CCDC3: variants seen among roughly 807,000 people sequenced by gnomAD.
CCDC3 encodes coiled-coil domain-containing protein 3.
CCDC3 carries 24 observed loss-of-function variants against 21.4 expected under a neutral mutation model. The observed-to-expected ratio is 1.12, with a 90% confidence interval of 0.81 to 1.58. The LOEUF (loss-of-function observed/expected upper bound fraction) is 1.58, where lower values mean the gene tolerates loss of function less well. CCDC3 is among the 40% of genes most tolerant of loss of function. The probability of loss-of-function intolerance (pLI) is 0.00; values close to 1 mark genes in which losing one functional copy is unlikely to be tolerated. For missense variants in CCDC3, 425 were observed against 360.9 expected (o/e 1.18, Z -1.44); for synonymous variants, 186 against 166.0 (o/e 1.12, Z -0.93).
intron 2 of CCDC3, among the ~76,000 whole-genome samples, chr10:12,971,708 C>CA (rs1374424239): frequency 6.6e-6 from 1 of 152,168 alleles, no homozygotes; most frequent in Non-Finnish European, 1.5e-5. Context: ...GTTTTCGAGA[C>CA]AGAGTCTTGT....
chr10:12,978,894 C>G (rs1182055289), intron 2 of CCDC3, among the ~76,000 whole-genome samples: 4 of 152,276 alleles, frequency 2.6e-5, no homozygotes, highest in South Asian at 4.2e-4. Flanking sequence ...AATGCAATCT[C>G]AGGACCCCAC....
chr10:13,017,907 C>T (rs1483194330), intron 5 of CCDC3, among the ~76,000 whole-genome samples: 2 of 152,138 alleles, frequency 1.3e-5, no homozygotes, highest in East Asian at 3.9e-4. Context: ...TATTCCACAT[C>T]CTCTGAAACA....
At chr10:12,973,416 G>T (rs377475073) in intron 2 of CCDC3, among the ~76,000 whole-genome samples, 2 of 152,280 alleles carry the variant, frequency 1.3e-5, no homozygotes, top group African/African-American at 4.8e-5. Flanking sequence ...AATGGAAATG[G>T]GTCAAAAGTC....
At chr10:13,077,287 G>A (rs1439352048) in intron 3 of CCDC3, among the ~76,000 whole-genome samples, 1 of 152,050 alleles carries the variant, frequency 6.6e-6, no homozygotes, top group African/African-American at 2.4e-5. Context: ...AAATACCTAG[G>A]AATCCAACTT....
intron 2 of CCDC3, among the ~76,000 whole-genome samples, chr10:12,985,914 C>T (rs1835582594): frequency 1.3e-5 from 2 of 152,170 alleles, no homozygotes; most frequent in South Asian, 2.1e-4. Flanking sequence ...TTTGCTCTGT[C>T]GCCCAGGCTG....
chr10:12,912,751 A>G lies in CCDC3; in HGVS notation c.550-14072T>C, dbSNP rs894887841. On this transcript the variant is annotated intron_variant, in intron 2 of 2. Transcript: ENST00000378825. ...CTGGTAGGTTTACAGTTTCAGGTCT[A>G]CGCTTAAGTCTTTAAACATTGAGTT... is the stretch of plus-strand genomic sequence containing the variant. Among the ~76,000 whole-genome samples, 5 of 152,104 alleles carry G rather than the reference A, an allele frequency of 3.3e-5. No individual in the cohort carries two copies. In the South Asian group the frequency reaches 6.2e-4, roughly 19 times the overall value.
chr10:12,940,622 A>G (rs1341375057), intron 2 of CCDC3, among the ~76,000 whole-genome samples: 1 of 152,220 alleles, frequency 6.6e-6, no homozygotes, highest in African/African-American at 2.4e-5. Flanking sequence ...CTTACAGAAT[A>G]ATCGTATTTA....
chr10:13,007,334 C>T lies in CCDC3; in HGVS notation c.-1-8822G>A, dbSNP rs541866450. Among the ~76,000 whole-genome samples the T allele has an allele frequency of 3.9e-5, 6 of 152,270 alleles. No individual in the cohort carries two copies. In the South Asian group the frequency reaches 1.2e-3, roughly 32 times the overall value. On this transcript the variant is annotated intron_variant, in intron 5 of 6. Transcript: ENST00000378839. Reference sequence around the variant, plus strand: ...AGGGAAGCTCTGGCATCTCAGCCAGCATGGAATTCCTTCAAATTGTAGTCA... The same window carrying T: ...AGGGAAGCTCTGGCATCTCAGCCAGTATGGAATTCCTTCAAATTGTAGTCA...
intron 4 of CCDC3, among the ~76,000 whole-genome samples, chr10:13,068,650 CAG>C: frequency 6.6e-6 from 1 of 152,154 alleles, no homozygotes; most frequent in Middle Eastern, 3.2e-3. Flanking sequence ...GTGAGGCCTA[CAG>C]ACATATGGAA....
chr10:13,093,324 A>G (rs943571487), intron 3 of CCDC3, among the ~76,000 whole-genome samples: 2 of 152,170 alleles, frequency 1.3e-5, no homozygotes, highest in African/African-American at 4.8e-5. Context: ...ACATCTCGTG[A>G]GACTTATTCA....
intron 5 of CCDC3, among the ~76,000 whole-genome samples, chr10:13,019,016 A>G (rs568619995): frequency 2.0e-5 from 3 of 151,818 alleles, no homozygotes; most frequent in South Asian, 4.2e-4. Flanking sequence ...GGCGGATCAC[A>G]AGGTCAGGAG....
chr10:13,035,246 G>A (rs181723990), intron 5 of CCDC3, among the ~76,000 whole-genome samples: 34 of 151,984 alleles, frequency 2.2e-4, no homozygotes, highest in Middle Eastern at 3.4e-3. Context: ...TTGCTCTAGC[G>A]TGTCTTAGGT....
At chr10:13,029,092 C>T (rs1408205921) in intron 5 of CCDC3, among the ~76,000 whole-genome samples, 1 of 152,278 alleles carries the variant, frequency 6.6e-6, no homozygotes, top group African/African-American at 2.4e-5. Context: ...TGACAGGATG[C>T]CAGCCTTGGC....
chr10:13,008,280 G>C (rs1835947745), intron 5 of CCDC3, among the ~76,000 whole-genome samples: 1 of 152,204 alleles, frequency 6.6e-6, no homozygotes, highest in African/African-American at 2.4e-5. Context: ...CCATGTGAAA[G>C]GGCATGACCC....
intron 2 of CCDC3, among the ~76,000 whole-genome samples, chr10:12,981,558 T>A (rs1167822992): frequency 6.6e-6 from 1 of 151,926 alleles, no homozygotes; most frequent in Non-Finnish European, 1.5e-5. Flanking sequence ...GATTGAAAAA[T>A]AAACTTAGTT....
At position 12,986,535 on chromosome 10, in the gene CCDC3, G is replaced by A. The variant is rs537644468; in HGVS notation, c.549+11803C>T. On this transcript the variant is annotated intron_variant, in intron 2 of 2. Coordinates refer to ENST00000378825, the MANE Select transcript of CCDC3 (RefSeq NM_031455.4). ...CACGCCTGTAATCCCAGCACTTTGGGAGGCCAAGGCGGGCGGATCACAAGG... is the reference window on the plus strand; with the variant it reads ...CACGCCTGTAATCCCAGCACTTTGGAAGGCCAAGGCGGGCGGATCACAAGG... Among the ~76,000 whole-genome samples the A allele has an allele frequency of 7.9e-5, 12 of 152,268 alleles. No homozygotes were observed. The South Asian group carries it at 1.2e-3, about 16-fold the overall frequency.
At chr10:12,973,748 A>AT in intron 2 of CCDC3, among the ~76,000 whole-genome samples, 1 of 151,814 alleles carries the variant, frequency 6.6e-6, no homozygotes, top group Non-Finnish European at 1.5e-5. Context: ...CCCAGGTTTT[A>AT]TAACTCCACG....
chr10:12,901,854 C>G (rs1834098097), intron 2 of CCDC3, among the ~76,000 whole-genome samples: 2 of 152,200 alleles, frequency 1.3e-5, no homozygotes, highest in Admixed American at 1.3e-4. Flanking sequence ...TGGGTCCCAC[C>G]CAGCTCTTCC....
intron 2 of CCDC3, among the ~76,000 whole-genome samples, chr10:12,948,995 T>C (rs1834969054): frequency 6.6e-6 from 1 of 152,062 alleles, no homozygotes; most frequent in Non-Finnish European, 1.5e-5. Context: ...CCTCCCAAAG[T>C]GCTGGGAGGC....
Sources: gnomAD v4.1 joint callset for allele counts (sites outside exome capture counted in the v4.1 genomes callset) on GRCh38, gnomAD v4.1.1 for gene constraint, MANE v1.5 for transcripts, NCBI Gene and HGNC (gene_info 2026-07-23, HGNC 2026-07-21) for gene names.